Variants in MRPL13 observed in about 807,000 individuals in gnomAD.
MRPL13 encodes the protein mitochondrial ribosomal protein L13, also known as large ribosomal subunit protein uL13m.
In MRPL13, 33 loss-of-function variants were observed where a neutral mutation model predicts 29.0. That is an observed-to-expected ratio of 1.14 (90% CI 0.86 to 1.52). The LOEUF (loss-of-function observed/expected upper bound fraction) is 1.52. Among genes scored for constraint, MRPL13 ranks in the 40% most tolerant of loss-of-function variants. MRPL13 has a pLI of 0.00. For missense variants in MRPL13, 227 were observed against 216.7 expected (o/e 1.05, Z -0.30); for synonymous variants, 77 against 68.4 (o/e 1.13, Z -0.62).
chr8:120,436,147 T>C (rs1041916174), intron 2 of MRPL13, among the ~76,000 whole-genome samples: 1 of 152,082 alleles, frequency 6.6e-6, no homozygotes, highest in East Asian at 1.9e-4. Flanking sequence ...GATTAATTGG[T>C]ACAGGTTTTT....
At position 120,425,337 on chromosome 8, in the gene MRPL13, G is replaced by A; in HGVS notation, c.275C>T (p.Ala92Val). 6.2e-7 allele frequency: 1 copy of A among 1,612,840 alleles called. No individual in the cohort carries two copies. The highest frequency in any genetic ancestry group is 8.5e-7 in the Non-Finnish European group (1 of 1,179,168). ...GYPGGFRQVT[A>V]AQLHLRDPVA... ...TGGATCCCTCAGGTGAAGCTGAGCA[G>A]CTGTTACTTGTCTAAATCCACCTGG... The change falls in exon 4 of 7, where the codon GCT (alanine) becomes GTT (valine). Residue 92 changes from alanine (A) to valine (V), a missense_variant. Physicochemically the swap from Ala to Val is moderately conservative, Grantham distance 64 (BLOSUM62 0). Coordinates refer to ENST00000306185, the MANE Select transcript of MRPL13 (RefSeq NM_014078.6).
chr8:120,417,608 A>C (rs946639513), intron 5 of MRPL13, among the ~76,000 whole-genome samples: 1 of 152,124 alleles, frequency 6.6e-6, no homozygotes, highest in African/African-American at 2.4e-5. Context: ...CCTTATTATT[A>C]CCATGTGTTT....
intron 4 of MRPL13, among the ~76,000 whole-genome samples, chr8:120,420,344 G>C (rs1221684974): frequency 2.0e-5 from 3 of 150,606 alleles, no homozygotes; most frequent in Non-Finnish European, 3.0e-5. Flanking sequence ...AGACCACAAA[G>C]CCTCATTACA....
At chr8:120,418,627 C>A (rs146130587) in intron 5 of MRPL13, among the ~76,000 whole-genome samples, 3 of 151,896 alleles carry the variant, frequency 2.0e-5, no homozygotes, top group African/African-American at 7.2e-5. Flanking sequence ...ACGGAACTAT[C>A]GTGAATACTT....
At chr8:120,436,009 C>T (rs1404664410) in intron 2 of MRPL13, among the ~76,000 whole-genome samples, 1 of 151,812 alleles carries the variant, frequency 6.6e-6, no homozygotes, top group Non-Finnish European at 1.5e-5. Flanking sequence ...AAGTTCCTTA[C>T]AAAGAAATTC....
chr8:120,443,227 T>C lies in MRPL13; in HGVS notation c.109A>G (p.Ile37Val), dbSNP rs145547223. The change falls in exon 2 of 7, where the codon ATA (isoleucine) becomes GTA (valine). Residue 37 changes from isoleucine to valine, a missense_variant. Coordinates refer to ENST00000306185, the MANE Select transcript of MRPL13 (RefSeq NM_014078.6). ...PPGKLAAMAS[I>V]RLQGLHKPVY... Reference sequence around the variant, plus strand: ...GGTTTATGTAATCCCTGAAGTCTTATAGATGCCATAGCAGCAAGTTTGCCA... The same window carrying C: ...GGTTTATGTAATCCCTGAAGTCTTACAGATGCCATAGCAGCAAGTTTGCCA... 22 of 1,609,154 alleles carry C rather than the reference T, an allele frequency of 1.4e-5. No individual in the cohort carries two copies. Among genetic ancestry groups the C allele is most frequent in the Admixed American group, 5.0e-5 (3 of 59,544 alleles).
chr8:120,405,796 C>A (rs932558180), intron 6 of MRPL13, among the ~76,000 whole-genome samples: 24 of 152,090 alleles, frequency 1.6e-4, no homozygotes, highest in Admixed American at 7.9e-4. Flanking sequence ...GATTATGTTG[C>A]TTACATACCC....
intron 3 of MRPL13, among the ~76,000 whole-genome samples, chr8:120,426,298 T>C (rs967391315): frequency 6.6e-6 from 1 of 152,124 alleles, no homozygotes; most frequent in African/African-American, 2.4e-5. Context: ...ATTTTTTCCA[T>C]ATGTTCCCTT....
chr8:120,443,309 C>G lies in MRPL13; in HGVS notation c.28-1G>C. 6.8e-7 allele frequency: 1 copy of G among 1,464,332 alleles called. No homozygotes were observed. Among genetic ancestry groups the G allele is most frequent in the Non-Finnish European group, 9.0e-7 (1 of 1,109,734 alleles). The allele number at this position is 1,464,332 out of a possible 1,614,324, so 90.7% of individuals were successfully genotyped here. ...ATATTCTAGCAAAAGTGGCCCATTG[C>G]TTGGGGGGGAAAAAAAAAAAAAAGA... On this transcript the variant is annotated splice_acceptor_variant, in intron 1 of 6. Coordinates refer to ENST00000306185, the MANE Select transcript of MRPL13 (RefSeq NM_014078.6). LOFTEE classifies it high-confidence loss of function.
At chr8:120,427,511 C>T (rs1158468062) in intron 3 of MRPL13, among the ~76,000 whole-genome samples, 1 of 152,116 alleles carries the variant, frequency 6.6e-6, no homozygotes, top group Non-Finnish European at 1.5e-5. Flanking sequence ...CAAAAAGTCA[C>T]TAACATTCCT....
chr8:120,409,198 G>C (rs1467253374), intron 6 of MRPL13, among the ~76,000 whole-genome samples: 1 of 152,124 alleles, frequency 6.6e-6, no homozygotes, highest in Non-Finnish European at 1.5e-5. Flanking sequence ...CTCTACAAAG[G>C]TGAGAGTTTT....
At chr8:120,413,518 C>T (rs187796909) in intron 6 of MRPL13, among the ~76,000 whole-genome samples, 1 of 152,192 alleles carries the variant, frequency 6.6e-6, no homozygotes, top group Non-Finnish European at 1.5e-5. Flanking sequence ...AATGTTACAT[C>T]TTAGCAGCTT....
At chr8:120,437,362 T>C (rs767624477) in intron 2 of MRPL13, among the ~76,000 whole-genome samples, 1 of 152,180 alleles carries the variant, frequency 6.6e-6, no homozygotes, top group Non-Finnish European at 1.5e-5. Context: ...TGAGTGCAAC[T>C]TTTGTTTCAT....
chr8:120,415,640 A>C (rs1812794829), intron 5 of MRPL13: 1 of 152,170 alleles, frequency 6.6e-6, no homozygotes, highest in Non-Finnish European at 1.5e-5. Context: ...CAGAAAACAC[A>C]ATAGATACTC....
chr8:120,407,085 T>C (rs188781766), intron 6 of MRPL13, among the ~76,000 whole-genome samples: 15 of 152,270 alleles, frequency 9.9e-5, no homozygotes, highest in Admixed American at 9.8e-4. Context: ...TGCAAAACAC[T>C]GCCTGCTACT....
intron 6 of MRPL13, among the ~76,000 whole-genome samples, chr8:120,399,791 G>C (rs1330233372): frequency 1.3e-5 from 2 of 152,240 alleles, no homozygotes; most frequent in East Asian, 3.9e-4. Context: ...TAAAGGGATG[G>C]AGGAAAATTT....
At chr8:120,439,756 T>C (rs548035222) in intron 2 of MRPL13, among the ~76,000 whole-genome samples, 59 of 152,328 alleles carry the variant, frequency 3.9e-4, no homozygotes, top group African/African-American at 1.2e-3. Context: ...TGGGTTTATT[T>C]TGATATCTTA....
intron 3 of MRPL13, among the ~76,000 whole-genome samples, chr8:120,428,653 C>A (rs1450633257): frequency 6.6e-6 from 1 of 152,046 alleles, no homozygotes; most frequent in Non-Finnish European, 1.5e-5. Flanking sequence ...AAAAAACAAA[C>A]CCCATTAAAA....
intron 3 of MRPL13, among the ~76,000 whole-genome samples, chr8:120,427,082 T>C (rs1369892057): frequency 2.0e-5 from 3 of 152,140 alleles, no homozygotes; most frequent in Non-Finnish European, 4.4e-5. Context: ...AAAAGGCATG[T>C]AATAATATAA....
Sources: gnomAD v4.1 joint callset for allele counts (sites outside exome capture counted in the v4.1 genomes callset) on GRCh38, gnomAD v4.1.1 for gene constraint, MANE v1.5 for transcripts, NCBI Gene and HGNC (gene_info 2026-07-23, HGNC 2026-07-21) for gene names.